The following C2CD3 variants were observed in gnomAD, a reference collection of about 807,000 sequenced individuals.
C2CD3 encodes the protein C2 domain containing 3 centriole elongation regulator, also known as C2 domain-containing protein 3.
C2CD3 carries 148 observed loss-of-function variants against 234.0 expected under a neutral mutation model. The observed-to-expected ratio is 0.63, with a 90% confidence interval of 0.55 to 0.72. The LOEUF (loss-of-function observed/expected upper bound fraction) is 0.72, where lower values mean the gene tolerates loss of function less well. C2CD3 is among the 30% of genes least tolerant of loss of function. The probability of loss-of-function intolerance (pLI) is 0.00; values close to 1 mark genes in which losing one functional copy is unlikely to be tolerated. For missense variants in C2CD3, 2,577 were observed against 2,811.5 expected, an observed-to-expected ratio of 0.92 and a Z score of 1.89; for synonymous variants, 1,000 against 1,035.4, an observed-to-expected ratio of 0.97 and a Z score of 0.66.
chr11:74,130,135 G>C (rs1271802251), intron 7 of C2CD3, among the ~76,000 whole-genome samples: 1 of 144,818 alleles, frequency 6.9e-6, no homozygotes. Flanking sequence ...GAGAGGGAGA[G>C]GGAGAGGGAG....
chr11:74,079,422 G>A (rs1160957881), intron 22 of C2CD3, among the ~76,000 whole-genome samples: 1 of 151,732 alleles, frequency 6.6e-6, no homozygotes, highest in South Asian at 2.1e-4. Flanking sequence ...AGATAGGGTC[G>A]TGTTGTGATA....
intron 32 of C2CD3, among the ~76,000 whole-genome samples, chr11:74,026,911 C>G (rs1412529876): frequency 7.1e-6 from 1 of 140,132 alleles, no homozygotes; most frequent in Non-Finnish European, 1.5e-5. Flanking sequence ...GCAGAGGTTG[C>G]AGTGAGCCGA....
intron 31 of C2CD3, 34 bp downstream of exon 31, chr11:74,033,317 A>G: frequency 6.6e-7 from 1 of 1,524,070 alleles, no homozygotes; most frequent in Non-Finnish European, 8.8e-7. Context: ...AAGTACCTGC[A>G]TCCAAACCAC....
Position 74,085,705 on chromosome 11 carries a change from G to T in C2CD3, c.3823C>A (p.His1275Asn), listed in dbSNP as rs755831146. The change falls in exon 21 of 33, where the codon CAC (histidine) becomes AAC (asparagine). Residue 1275 changes from histidine (H) to asparagine (N), a missense_variant. By Grantham distance (68) the His-to-Asn change is moderately conservative. Coordinates refer to ENST00000334126, the MANE Select transcript of C2CD3 (RefSeq NM_001286577.2). ...AGGAAACAGGCCTCTCCACTACAGTGCTGAGTCACCAAGTTACATGTGAAC... is the reference window on the plus strand; with the variant it reads ...AGGAAACAGGCCTCTCCACTACAGTTCTGAGTCACCAAGTTACATGTGAAC... ...VEFTCNLVTQ[H>N]CSGEACFLAE... is the part of the protein sequence containing the mutation. 6.2e-7 allele frequency: 1 copy of T among 1,614,082 alleles called. No homozygotes were observed. Among genetic ancestry groups the T allele is most frequent in the Non-Finnish European group, 8.5e-7 (1 of 1,179,988 alleles).
chr11:74,079,941 T>A (rs1955264169), intron 22 of C2CD3, among the ~76,000 whole-genome samples: 1 of 152,152 alleles, frequency 6.6e-6, no homozygotes, highest in African/African-American at 2.4e-5. Flanking sequence ...TCATATGGTC[T>A]CTACTGCAGC....
intron 26 of C2CD3, among the ~76,000 whole-genome samples, chr11:74,050,882 G>C (rs1436730067): frequency 6.6e-6 from 1 of 151,536 alleles, no homozygotes; most frequent in Non-Finnish European, 1.5e-5. Flanking sequence ...TGGGACAAAG[G>C]AGCAGTGTGC....
intron 23 of C2CD3, among the ~76,000 whole-genome samples, chr11:74,075,913 T>TA: frequency 6.6e-6 from 1 of 152,204 alleles, no homozygotes; most frequent in East Asian, 1.9e-4. Context: ...CACAAGAGGA[T>TA]AAAAAGCTCA....
intron 7 of C2CD3, chr11:74,130,008 G>A (rs1957592237): frequency 6.8e-6 from 1 of 148,076 alleles, no homozygotes; most frequent in Non-Finnish European, 1.5e-5. Flanking sequence ...GTTGCAGTGA[G>A]CCGAGATGGC....
At chr11:74,118,192 G>T (rs759180476) in intron 9 of C2CD3, 36 bp downstream of exon 9, 27 of 1,568,572 alleles carry the variant, frequency 1.7e-5, no homozygotes, top group Non-Finnish European at 2.3e-5. Context: ...ACATTCCTTT[G>T]TGTTTACCTT....
intron 2 of C2CD3, among the ~76,000 whole-genome samples, chr11:74,166,473 T>G (rs892964719): frequency 2.6e-5 from 4 of 152,198 alleles, no homozygotes; most frequent in African/African-American, 9.6e-5. Flanking sequence ...ATGTTTTAAC[T>G]CTTTCAATTT....
chr11:74,168,454 C>G lies in C2CD3; in HGVS notation c.215G>C (p.Gly72Ala). Residue 72 changes from glycine (G) to alanine (A), a missense_variant, in exon 2 of 33, where the codon GGA becomes GCA. By Grantham distance (60) the Gly-to-Ala change is moderately conservative. Coordinates refer to ENST00000334126, the MANE Select transcript of C2CD3 (RefSeq NM_001286577.2). ...RVRWWGETSD[G>A]TLFCPRDALQ... ...TGCATCCCTGGGACAAAAGAGGGTTCCATCTGATGTTTCTCCCCACCATCT... is the reference window on the plus strand; with the variant it reads ...TGCATCCCTGGGACAAAAGAGGGTTGCATCTGATGTTTCTCCCCACCATCT... The G allele has an allele frequency of 6.2e-7, 1 of 1,614,178 alleles. No individual in the cohort carries two copies. The highest frequency in any genetic ancestry group is 8.5e-7 in the Non-Finnish European group (1 of 1,180,000).
intron 32 of C2CD3, among the ~76,000 whole-genome samples, chr11:74,015,362 C>T (rs1211647805): frequency 6.6e-6 from 1 of 152,208 alleles, no homozygotes; most frequent in Non-Finnish European, 1.5e-5. Flanking sequence ...TATGCCAGGT[C>T]TTTAGTTAAG....
Position 74,100,734 on chromosome 11 carries a change from T to C in C2CD3, c.2581-58A>G, listed in dbSNP as rs1462054372. On this transcript the variant is annotated intron_variant, in intron 14 of 32. Transcript: ENST00000334126. ...AACTCATACCTGAGACAAATATTAA[T>C]TTATACTTTCATTCAATAAGCATTT... 3 of 1,415,052 alleles carry C rather than the reference T, an allele frequency of 2.1e-6. No individual in the cohort carries two copies. The South Asian group carries it at 3.9e-5, about 18-fold the overall frequency. The allele number at this position is 1,415,052 out of a possible 1,614,324, so 87.7% of individuals were successfully genotyped here.
intron 26 of C2CD3, among the ~76,000 whole-genome samples, chr11:74,051,326 A>T (rs1281698902): frequency 1.3e-5 from 2 of 152,088 alleles, no homozygotes; most frequent in African/African-American, 4.8e-5. Context: ...ATCCCCTTCA[A>T]CTTGGAAAGT....
chr11:74,109,032 AC>A lies in C2CD3; in HGVS notation c.1962+1del, dbSNP rs1211879972. On this transcript the variant is annotated splice_donor_variant, in intron 12 of 32. Transcript: ENST00000334126. LOFTEE classifies it high-confidence loss of function. ...GGCAAAGGCCAAAATCACTCAAAGT[AC>A]CTTTTTCTGTGGAGTTTTCTTTACA... 2.0e-6 allele frequency: 3 copies of A among 1,524,484 alleles called. No individual in the cohort carries two copies. The African/African-American group carries it at 4.1e-5, about 21-fold the overall frequency. 94.4% of individuals were successfully genotyped at this position (1,524,484 alleles called of 1,614,324 possible). A position where few individuals can be genotyped will look rare whatever the true frequency, so the allele number is the denominator to read the frequency against.
intron 11 of C2CD3, 55 bp from the exon 12 acceptor site, chr11:74,109,207 T>A: frequency 3.4e-6 from 3 of 877,022 alleles, no homozygotes; most frequent in Non-Finnish European, 5.3e-6. Flanking sequence ...GAAGTCATCA[T>A]CAATTCATGC....
At chr11:74,111,530 G>A (rs1956743131) in intron 11 of C2CD3, among the ~76,000 whole-genome samples, 1 of 152,140 alleles carries the variant, frequency 6.6e-6, no homozygotes, top group African/African-American at 2.4e-5. Context: ...CTATCCCCAA[G>A]ATATCTTATT....
In C2CD3 at chr11:74,123,107, C is replaced by T. The variant is rs771420950; in HGVS notation, c.1246G>A (p.Asp416Asn). Residue 416 changes from aspartate to asparagine, a missense_variant, in exon 8 of 33, where the codon GAT (aspartate) becomes AAT (asparagine). By Grantham distance (23) the Asp-to-Asn change is conservative. Transcript: ENST00000334126. The part of the protein sequence containing the change: ...SAELSQGNFW[D>N]GLGSPPDSPS... ...GAATCTGGAGGAGAGCCTAGCCCAT[C>T]CCAGAAATTGCCTTGGGATAATTCA... is the stretch of plus-strand genomic sequence containing the variant. 21 of 1,613,078 alleles carry T rather than the reference C, an allele frequency of 1.3e-5. No individual in the cohort carries two copies. The African/African-American group carries it at 2.7e-4, about 21-fold the overall frequency.
In C2CD3 at chr11:74,057,436, G is replaced by A. The variant is rs562386307; in HGVS notation, c.5060C>T (p.Ser1687Phe). ...VYTQVVENTD[S>F]PIWNFQQQSR... ...CTGCTGTTGAAAATTCCAGATGGGG[G>A]AATCTGTGTTTTCAACCACTTGGGT... The change falls in exon 25 of 33, where the codon TCC (serine) becomes TTC (phenylalanine). Residue 1687 changes from serine to phenylalanine, a missense_variant. Transcript: ENST00000334126. 1.2e-6 allele frequency: 2 copies of A among 1,614,102 alleles called. No homozygotes were observed. Among genetic ancestry groups the A allele is most frequent in the East Asian group, 2.2e-5 (1 of 44,886 alleles).
Sources: gnomAD v4.1 joint callset for allele counts (sites outside exome capture counted in the v4.1 genomes callset) on GRCh38, gnomAD v4.1.1 for gene constraint, MANE v1.5 for transcripts, NCBI Gene and HGNC (gene_info 2026-07-23, HGNC 2026-07-21) for gene names.